The following ADGRL3 variants were observed in gnomAD, a reference collection of about 807,000 sequenced individuals.
ADGRL3 encodes adhesion G protein-coupled receptor L3.
Under a neutral mutation model 153.5 loss-of-function variants are expected in ADGRL3, and 62 were observed. That is an observed-to-expected ratio of 0.40 (90% confidence interval 0.33 to 0.50). The LOEUF (loss-of-function observed/expected upper bound fraction) is 0.50, where lower values mean the gene tolerates loss of function less well. Among genes scored for constraint, ADGRL3 ranks in the 20% least tolerant of loss-of-function variants. The pLI is 0.47. For synonymous variants in ADGRL3, 710 were observed against 672.5 expected (o/e 1.06, Z -0.86); for missense variants, 1,641 against 1,859.4 (o/e 0.88, Z 2.16).
At chr4:61,622,643 AGG>A (rs2092594593) in intron 5 of ADGRL3, among the ~76,000 whole-genome samples, 2 of 152,196 alleles carry the variant, frequency 1.3e-5, no homozygotes, top group African/African-American at 4.8e-5. Flanking sequence ...ACTATGTGCT[AGG>A]CATTCTGGTG....
intron 1 of ADGRL3, among the ~76,000 whole-genome samples, chr4:61,255,465 T>C (rs1014674655): frequency 2.0e-5 from 3 of 152,200 alleles, no homozygotes; most frequent in African/African-American, 7.2e-5. Flanking sequence ...TTGGACGTTA[T>C]CTTCCACATT....
chr4:61,995,709 G>A lies in ADGRL3; in HGVS notation c.3237-582G>A, dbSNP rs553694887. Among the ~76,000 whole-genome samples, 11 of 152,228 alleles carry A rather than the reference G, an allele frequency of 7.2e-5. No individual in the cohort carries two copies. In the South Asian group the frequency reaches 2.3e-3, roughly 32 times the overall value. On this transcript the variant is annotated intron_variant, in intron 19 of 26. Transcript: ENST00000683033. Reference sequence around the variant, plus strand: ...GATTAATAATTTACTTTTGGGTCATGAATCAACTTCATGGGATGCTAAGGA... The same window carrying A: ...GATTAATAATTTACTTTTGGGTCATAAATCAACTTCATGGGATGCTAAGGA...
Position 61,642,436 on chromosome 4 carries a change from C to A in ADGRL3, c.474-34390C>A, listed in dbSNP as rs570879296. 2.0e-5 allele frequency among the ~76,000 whole-genome samples: 3 copies of A among 152,234 alleles called. No homozygotes were observed. The South Asian group carries it at 6.2e-4, about 32-fold the overall frequency. ...ATGGTTTTAGGTCCAAGGTTTAAGT[C>A]TTTAATCCATCTTGAATTGATTTTT... On this transcript the variant is annotated intron_variant, in intron 5 of 26. Transcript: ENST00000683033.
intron 1 of ADGRL3, among the ~76,000 whole-genome samples, chr4:61,306,634 C>T (rs1043888290): frequency 1.3e-5 from 2 of 152,164 alleles, no homozygotes; most frequent in African/African-American, 4.8e-5. Flanking sequence ...GCTTTCATTT[C>T]TCCAACTCTA....
At chr4:61,342,052 TTA>T (rs1210235461) in intron 1 of ADGRL3, among the ~76,000 whole-genome samples, 1 of 152,188 alleles carries the variant, frequency 6.6e-6, no homozygotes, top group Non-Finnish European at 1.5e-5. Context: ...AATTTTAGAA[TTA>T]TATATGAGTG....
At chr4:61,534,390 CTTG>C (rs1217324067) in intron 4 of ADGRL3, among the ~76,000 whole-genome samples, 1 of 151,994 alleles carries the variant, frequency 6.6e-6, no homozygotes, top group Non-Finnish European at 1.5e-5. Flanking sequence ...CAGCTTTGCT[CTTG>C]TTGTTTGGAA....
chr4:61,405,270 G>A (rs1310107342), intron 2 of ADGRL3, among the ~76,000 whole-genome samples: 1 of 151,858 alleles, frequency 6.6e-6, no homozygotes, highest in African/African-American at 2.4e-5. Context: ...AATTTCTTAG[G>A]CTTTAACATA....
At chr4:61,718,907 A>C (rs1162018101) in intron 6 of ADGRL3, among the ~76,000 whole-genome samples, 1 of 152,186 alleles carries the variant, frequency 6.6e-6, no homozygotes, top group Non-Finnish European at 1.5e-5. Context: ...CTTTTCCTCT[A>C]ATTTGACACA....
rs148856503 is a variant in ADGRL3 at position 61,861,389 on chromosome 4, C to T, written c.1481-31267C>T. Among the ~76,000 whole-genome samples the T allele has an allele frequency of 1.6e-3, 243 of 152,158 alleles. 1 individual carries two copies. Among genetic ancestry groups the T allele is most frequent in the African/African-American group, 5.7e-3 (238 of 41,532 alleles). ...ATAAATGTTTGTTTGGAAAAGGGTT[C>T]TGAAAGACTGGGTTGGAGGGTTGCA... On this transcript the variant is annotated intron_variant, in intron 9 of 26. Transcript: ENST00000683033.
intron 6 of ADGRL3, among the ~76,000 whole-genome samples, chr4:61,722,225 A>G (rs2096254868): frequency 6.6e-6 from 1 of 152,198 alleles, no homozygotes; most frequent in Non-Finnish European, 1.5e-5. Flanking sequence ...TATTGACAAG[A>G]TAAACCTTTA....
In ADGRL3 at chr4:61,777,448, T is replaced by C. The variant is rs143175675; in HGVS notation, c.1400-36361T>C. Among the ~76,000 whole-genome samples, 171 of 152,354 alleles carry C rather than the reference T, an allele frequency of 1.1e-3. 1 individual carries two copies. The highest frequency in any genetic ancestry group is 3.8e-3 in the African/African-American group (160 of 41,594). On this transcript the variant is annotated intron_variant, in intron 8 of 26. Coordinates refer to ENST00000683033, the MANE Select transcript of ADGRL3 (RefSeq NM_001387552.1). ...ATGTGATCCAAAGGTTTAATGGTAC[T>C]AAATGTTTGAGTAGTTCAGATTTGA...
intron 2 of ADGRL3, among the ~76,000 whole-genome samples, chr4:61,414,765 T>C (rs1049069305): frequency 3.3e-5 from 5 of 152,018 alleles, no homozygotes; most frequent in African/African-American, 1.2e-4. Context: ...TAAGTTGTTA[T>C]ATATTACCAA....
At chr4:61,660,336 G>A (rs1233932043) in intron 5 of ADGRL3, among the ~76,000 whole-genome samples, 1 of 152,126 alleles carries the variant, frequency 6.6e-6, no homozygotes, top group African/African-American at 2.4e-5. Flanking sequence ...GAAGGATAAA[G>A]TTGTTTGCTT....
chr4:61,842,215 G>A (rs2098043460), intron 9 of ADGRL3, among the ~76,000 whole-genome samples: 1 of 152,108 alleles, frequency 6.6e-6, no homozygotes, highest in Non-Finnish European at 1.5e-5. Flanking sequence ...ACACATGACA[G>A]AACTGAGGTA....
intron 9 of ADGRL3, among the ~76,000 whole-genome samples, chr4:61,841,593 G>T (rs1488774641): frequency 6.6e-6 from 1 of 152,098 alleles, no homozygotes; most frequent in Non-Finnish European, 1.5e-5. Flanking sequence ...CATACCTGAG[G>T]ACAAATTCTC....
intron 21 of ADGRL3, among the ~76,000 whole-genome samples, chr4:62,007,395 C>CAGACAT (rs369431931): frequency 1.3e-5 from 1 of 76,434 alleles, no homozygotes; most frequent in South Asian, 3.8e-4. Context: ...CACACACACA[C>CAGACAT]ATATATATAT....
rs111252953 is a variant in ADGRL3, at chr4:61,890,239, A to G, written c.1481-2417A>G. Among the ~76,000 whole-genome samples the G allele has an allele frequency of 2.2e-3, 331 of 152,286 alleles. 1 individual carries two copies. Among genetic ancestry groups the G allele is most frequent in the African/African-American group, 7.7e-3 (319 of 41,556 alleles). ...TGTCAAAAAATTAAAAGTTGCTCAA[A>G]ACGGTCCCTTCAGAAGTACAAATGA... On this transcript the variant is annotated intron_variant, in intron 9 of 26. Coordinates refer to ENST00000683033, the MANE Select transcript of ADGRL3 (RefSeq NM_001387552.1).
At chr4:61,940,739 G>T (rs1209381087) in intron 15 of ADGRL3, among the ~76,000 whole-genome samples, 1 of 22,074 alleles carries the variant, frequency 4.5e-5, no homozygotes, top group East Asian at 3.8e-3. Flanking sequence ...CTTTTGAGAA[G>T]TGTCTGTTCA....
chr4:61,227,135 A>G (rs1448830522), intron 1 of ADGRL3, among the ~76,000 whole-genome samples: 1 of 146,510 alleles, frequency 6.8e-6, no homozygotes, highest in Admixed American at 6.9e-5. Context: ...AAGGAGTAAC[A>G]CTTTGTTTTG....
Sources: allele counts gnomAD v4.1 joint callset (sites outside exome capture counted in the v4.1 genomes callset), GRCh38; gene constraint gnomAD v4.1.1; transcripts MANE v1.5; gene names NCBI Gene and HGNC (gene_info 2026-07-23, HGNC 2026-07-21).